The following SMC5 variants were observed in gnomAD, a reference collection of about 807,000 sequenced individuals.
SMC5 encodes structural maintenance of chromosomes 5.
A neutral mutation model predicts 148.3 loss-of-function variants in SMC5; 88 were observed. That is an observed-to-expected ratio of 0.59 (90% CI 0.50 to 0.71). The LOEUF (loss-of-function observed/expected upper bound fraction) is 0.71. Ranked by LOEUF, SMC5 falls within the 30% of genes least tolerant of loss-of-function variation. SMC5 has a pLI of 0.00. For missense variants in SMC5, 1,142 were observed against 1,298.9 expected, an observed-to-expected ratio of 0.88 and a Z score of 1.86; for synonymous variants, 421 against 432.8, an observed-to-expected ratio of 0.97 and a Z score of 0.34.
chr9:70,305,834 A>G (rs899488970), intron 11 of SMC5, among the ~76,000 whole-genome samples: 2 of 152,230 alleles, frequency 1.3e-5, no homozygotes, highest in Non-Finnish European at 2.9e-5. Flanking sequence ...ACCGAAAGAC[A>G]GTAAAGCTTA....
rs150227536 is a variant in SMC5 at position 70,337,438 on chromosome 9, G to A, written c.2398-6706G>A. Among the ~76,000 whole-genome samples, 266 of 135,916 alleles carry A rather than the reference G, an allele frequency of 2.0e-3. 1 individual carries two copies. Among genetic ancestry groups the A allele is most frequent in the Middle Eastern group, 0.018 (5 of 276 alleles). The allele number at this position is 135,916 out of a possible 152,430, so 89.2% of individuals were successfully genotyped here. ...TATTAGTAAATAGGATAAATACTGT[G>A]TTTTGGGATTTGTTTTTTTTTTTTT... On this transcript the variant is annotated intron_variant, in intron 17 of 24. Coordinates refer to ENST00000361138, the MANE Select transcript of SMC5 (RefSeq NM_015110.4).
At chr9:70,301,866 A>G (rs1303625794) in intron 10 of SMC5, among the ~76,000 whole-genome samples, 1 of 152,194 alleles carries the variant, frequency 6.6e-6, no homozygotes, top group Non-Finnish European at 1.5e-5. Context: ...AATTTTGTTT[A>G]AAAAATCATA....
rs762990688 is a variant in SMC5, at chr9:70,278,622, C to G, written c.675C>G (p.Leu225=). 1 of 1,597,428 alleles carries G rather than the reference C, an allele frequency of 6.3e-7. No homozygotes were observed. The highest frequency in any genetic ancestry group is 8.5e-7 in the Non-Finnish European group (1 of 1,175,758). The part of the protein sequence containing the change: ...LKNLREKEKQ[L]ETSCKEKTEY... ...ACTTAAGGGAGAAAGAAAAACAGCT[C>G]GAGGTACTTTAAATAGACAACTCAT... Residue 225 remains leucine, a synonymous_variant, in exon 5 of 25, where the codon CTC becomes CTG. Transcript: ENST00000361138.
At chr9:70,328,193 T>G (rs1173161413) in intron 17 of SMC5, among the ~76,000 whole-genome samples, 2 of 152,076 alleles carry the variant, frequency 1.3e-5, no homozygotes, top group African/African-American at 4.8e-5. Flanking sequence ...CGAAATCTTG[T>G]GTCCTTTTCA....
intron 8 of SMC5, among the ~76,000 whole-genome samples, chr9:70,290,246 G>C (rs1395433896): frequency 2.0e-5 from 3 of 152,084 alleles, no homozygotes; most frequent in Non-Finnish European, 4.4e-5. Context: ...GTTCTCTTTT[G>C]ACTAAAGTTT....
In SMC5 at chr9:70,344,126, A is replaced by C; in HGVS notation, c.2398-18A>C. ...TTAACATTAACATTCAAATTTTCAA[A>C]ATAAATTTTTTTAATAGCAACATTT... On this transcript the variant is annotated intron_variant, in intron 17 of 24. Coordinates refer to ENST00000361138, the MANE Select transcript of SMC5 (RefSeq NM_015110.4). 1 of 1,454,444 alleles carries C rather than the reference A, an allele frequency of 6.9e-7. No homozygotes were observed. Among genetic ancestry groups the C allele is most frequent in the Non-Finnish European group, 9.2e-7 (1 of 1,088,438 alleles). 90.1% of individuals were successfully genotyped at this position (1,454,444 alleles called of 1,614,324 possible).
intron 10 of SMC5, 41 bp downstream of exon 10, chr9:70,300,241 T>C (rs1283340819): frequency 5.2e-6 from 8 of 1,547,680 alleles, no homozygotes; most frequent in East Asian, 2.4e-5. Context: ...GGTTTTATTA[T>C]TGTAATCATA....
intron 17 of SMC5, among the ~76,000 whole-genome samples, chr9:70,341,232 T>C (rs2036514215): frequency 6.6e-6 from 1 of 152,228 alleles, no homozygotes; most frequent in African/African-American, 2.4e-5. Context: ...CAGATAAATA[T>C]TTTATTACAC....
chr9:70,298,905 G>A (rs1267363781), intron 9 of SMC5, among the ~76,000 whole-genome samples: 1 of 151,486 alleles, frequency 6.6e-6, no homozygotes, highest in Non-Finnish European at 1.5e-5. Context: ...ATCAACTTTA[G>A]ACATTATCTT....
intron 21 of SMC5, 52 bp from the exon 22 acceptor site, chr9:70,347,867 A>G: frequency 6.6e-7 from 1 of 1,508,152 alleles, no homozygotes; most frequent in South Asian, 1.2e-5. Flanking sequence ...TGTGTGTCAG[A>G]ATATAGTAAT....
intron 4 of SMC5, among the ~76,000 whole-genome samples, chr9:70,277,940 A>G (rs1352834086): frequency 2.6e-5 from 4 of 152,036 alleles, no homozygotes; most frequent in Admixed American, 6.5e-5. Flanking sequence ...TGTTAAAGTC[A>G]TATTACCTAT....
intron 8 of SMC5, among the ~76,000 whole-genome samples, chr9:70,294,061 A>T (rs746522591): frequency 6.6e-6 from 1 of 152,152 alleles, no homozygotes; most frequent in Non-Finnish European, 1.5e-5. Context: ...GTCTCCTTAC[A>T]TTCTACAAAG....
At chr9:70,290,103 TC>T (rs1002274551) in intron 8 of SMC5, among the ~76,000 whole-genome samples, 5 of 152,094 alleles carry the variant, frequency 3.3e-5, no homozygotes, top group Non-Finnish European at 2.9e-5. Context: ...CCAAAACACT[TC>T]TGGTGCCAAG....
intron 8 of SMC5, among the ~76,000 whole-genome samples, chr9:70,290,181 C>T (rs1332089453): frequency 2.0e-5 from 3 of 152,062 alleles, no homozygotes; most frequent in African/African-American, 7.2e-5. Flanking sequence ...TTTATTTGAT[C>T]GTGTTGCTTT....
chr9:70,347,230 C>T (rs1407781980), intron 20 of SMC5, 69 bp downstream of exon 20: 5 of 1,283,042 alleles, frequency 3.9e-6, no homozygotes, highest in Non-Finnish European at 4.5e-6. Flanking sequence ...CACACACATA[C>T]ACACACAGAG....
intron 11 of SMC5, among the ~76,000 whole-genome samples, chr9:70,309,396 C>T (rs923933421): frequency 8.0e-6 from 1 of 125,596 alleles, no homozygotes; most frequent in Non-Finnish European, 1.6e-5. Context: ...GGAATGGCCT[C>T]GCAAAAGTGC....
At position 70,259,049 on chromosome 9, in the gene SMC5, A is replaced by G. The variant is rs1228009163; in HGVS notation, c.-30A>G. 1.3e-6 allele frequency: 2 copies of G among 1,577,576 alleles called. No homozygotes were observed. The highest frequency in any genetic ancestry group is 3.6e-5 in the Admixed American group (2 of 55,336). On this transcript the variant is annotated 5_prime_UTR_variant, in exon 1 of 25. Coordinates refer to ENST00000361138, the MANE Select transcript of SMC5 (RefSeq NM_015110.4). ...CTGGGCTGCCGGACGGTGGGAACGG[A>G]AGTCGCTGTGGGACGCTGAGGAAGC... is the stretch of plus-strand genomic sequence containing the variant.
At chr9:70,341,994 G>T in intron 17 of SMC5, among the ~76,000 whole-genome samples, 1 of 149,144 alleles carries the variant, frequency 6.7e-6, no homozygotes, top group Non-Finnish European at 1.5e-5. Flanking sequence ...CAACCCAAAT[G>T]TCCAACAATG....
In SMC5 at chr9:70,324,160, T is replaced by C. The variant is rs751485830; in HGVS notation, c.2397+17T>C. On this transcript the variant is annotated intron_variant, in intron 17 of 24. Transcript: ENST00000361138. ...CTTACAGAGGTAAAATTTTTGCCTT[T>C]ACTTTTTATTTTGAGGTTCTAACCT... is the stretch of plus-strand genomic sequence containing the variant. The C allele has an allele frequency of 6.3e-7, 1 of 1,579,780 alleles. No homozygotes were observed. The highest frequency in any genetic ancestry group is 2.3e-5 in the East Asian group (1 of 43,972).
Sources: allele counts gnomAD v4.1 joint callset (sites outside exome capture counted in the v4.1 genomes callset), GRCh38; gene constraint gnomAD v4.1.1; transcripts MANE v1.5; gene names NCBI Gene and HGNC (gene_info 2026-07-23, HGNC 2026-07-21).